The following NOTCH4 variants were observed in gnomAD, a reference collection of about 807,000 sequenced individuals.
NOTCH4 encodes the protein notch receptor 4.
A neutral mutation model predicts 189.0 loss-of-function variants in NOTCH4; 138 were observed. The ratio of observed to expected loss-of-function variants is 0.73; its 90% CI spans 0.64 to 0.84. The LOEUF (loss-of-function observed/expected upper bound fraction) is 0.84. NOTCH4 is among the 40% of genes least tolerant of loss of function. The pLI, the probability that NOTCH4 is intolerant of heterozygous loss-of-function variation, is 0.00. For synonymous variants in NOTCH4, 942 were observed against 1,032.8 expected, an observed-to-expected ratio of 0.91 and a Z score of 1.69; for missense variants, 2,286 against 2,605.4, an observed-to-expected ratio of 0.88 and a Z score of 2.67.
Position 32,212,375 on chromosome 6 carries a change from G to C in NOTCH4, c.2680+99C>G. On this transcript the variant is annotated intron_variant, in intron 17 of 29. Coordinates refer to ENST00000375023, the MANE Select transcript of NOTCH4 (RefSeq NM_004557.4). This position sits in a 1 kb window ranked among gnomAD's most constrained non-coding sequence, Gnocchi z 4.4. Reference sequence around the variant, plus strand: ...GTGTGGTTTTGATTCTCAGATGGTTGTTTTGGCCAAAAGCTGTGTGGAAGC... The same window carrying C: ...GTGTGGTTTTGATTCTCAGATGGTTCTTTTGGCCAAAAGCTGTGTGGAAGC... The C allele has an allele frequency of 8.2e-7, 1 of 1,225,190 alleles. No individual in the cohort carries two copies. Among genetic ancestry groups the C allele is most frequent in the Non-Finnish European group, 1.1e-6 (1 of 873,226 alleles). 75.9% of individuals were successfully genotyped at this position (1,225,190 alleles called of 1,614,324 possible). A position where few individuals can be genotyped will look rare whatever the true frequency, so the allele number is the denominator to read the frequency against.
rs3131286 is a variant in NOTCH4 at position 32,213,185 on chromosome 6, G to A, written c.2388C>T (p.Gly796=). Residue 796 remains glycine (G), a synonymous_variant, in exon 15 of 30, where the codon GGC becomes GGT. Coordinates refer to ENST00000375023, the MANE Select transcript of NOTCH4 (RefSeq NM_004557.4). ...PGTFSCLCAM[G]FQGPRCEGKL... ...TTCCCTCACAGCGCGGGCCCTGGAA[G>A]CCCATGGCACAGAGGCAGGAGAAGG... 6.2e-7 allele frequency: 1 copy of A among 1,614,018 alleles called. No homozygotes were observed. The highest frequency in any genetic ancestry group is 1.3e-5 in the African/African-American group (1 of 75,018).
chr6:32,223,063 C>A lies in NOTCH4; in HGVS notation c.97G>T (p.Glu33Ter), dbSNP rs768326723. Residue 33 changes from glutamate to a stop codon, truncating the protein, a stop_gained, in exon 2 of 30, where the codon GAA becomes TAA. Coordinates refer to ENST00000375023, the MANE Select transcript of NOTCH4 (RefSeq NM_004557.4). LOFTEE classifies it high-confidence loss of function. ...PRGLLCGSFP[E>*]PCANGGTCLS... The stretch of plus-strand genomic sequence containing the variant: ...CAGGTGCCTCCATTGGCACAGGGTT[C>A]TGGGAAACTCCCACACAGCAGCCCT... 3 of 1,613,992 alleles carry A rather than the reference C, an allele frequency of 1.9e-6. No homozygotes were observed. The highest frequency in any genetic ancestry group is 4.5e-5 in the East Asian group (2 of 44,862).
In NOTCH4 at chr6:32,195,294, C is replaced by G. The variant is rs1787789073; in HGVS notation, c.*143G>C. ...CTTCTCCACGTGGAAGATGTCTGCT[C>G]TGGTGGGCATACATTCATTTTAGGA... On this transcript the variant is annotated 3_prime_UTR_variant, in exon 30 of 30. Coordinates refer to ENST00000375023, the MANE Select transcript of NOTCH4 (RefSeq NM_004557.4). The surrounding 1 kb of genome is among the most constrained non-coding windows in gnomAD (Gnocchi z 5.4). The G allele has an allele frequency of 1.3e-6, 1 of 754,758 alleles. No individual in the cohort carries two copies. 46.8% of individuals were successfully genotyped at this position (754,758 alleles called of 1,614,324 possible).
intron 8 of NOTCH4, 50 bp from the exon 9 acceptor site, chr6:32,218,158 G>A (rs570706474): frequency 2.5e-4 from 301 of 1,224,126 alleles, no homozygotes; most frequent in Non-Finnish European, 3.4e-4. Flanking sequence ...GTCTGCCTGG[G>A]AGACCTGTGT....
At position 32,213,712 on chromosome 6, in the gene NOTCH4, T is replaced by C; in HGVS notation, c.2296A>G (p.Thr766Ala). 1 of 1,612,912 alleles carries C rather than the reference T, an allele frequency of 6.2e-7. No homozygotes were observed. The highest frequency in any genetic ancestry group is 1.1e-5 in the South Asian group (1 of 91,072). ...PPSHTGPQCQ[T>A]STDYCVSAPC... is the part of the protein sequence containing the mutation. The stretch of plus-strand genomic sequence containing the variant: ...CCAGACACACAGTAGTCAGTGCTGG[T>C]TTGGCACTGGGGCCCTGTGTGGCTT... The change falls in exon 14 of 30, where the codon ACC becomes GCC. Residue 766 changes from threonine (T) to alanine (A), a missense_variant. Coordinates refer to ENST00000375023, the MANE Select transcript of NOTCH4 (RefSeq NM_004557.4).
Position 32,196,165 on chromosome 6 carries a change from C to G in NOTCH4, c.5299-15G>C. 4 of 1,588,500 alleles carry G rather than the reference C, an allele frequency of 2.5e-6. No homozygotes were observed. The highest frequency in any genetic ancestry group is 3.4e-6 in the Non-Finnish European group (4 of 1,172,242). On this transcript the variant is annotated splice_polypyrimidine_tract_variant and intron_variant, in intron 29 of 29. Transcript: ENST00000375023. Reference sequence around the variant, plus strand: ...GGCGTCTGCTCCTGTACAGAAGAGCCAGGGCCGATATCAGGGAAGGCCACG... The same window carrying G: ...GGCGTCTGCTCCTGTACAGAAGAGCGAGGGCCGATATCAGGGAAGGCCACG...
At position 32,198,738 on chromosome 6, in the gene NOTCH4, G is replaced by A. The variant is rs1229443983; in HGVS notation, c.4536-8C>T. 3 of 1,606,324 alleles carry A rather than the reference G, an allele frequency of 1.9e-6. No homozygotes were observed. The highest frequency in any genetic ancestry group is 8.5e-7 in the Non-Finnish European group (1 of 1,176,900). On this transcript the variant is annotated splice_polypyrimidine_tract_variant and splice_region_variant and intron_variant, in intron 24 of 29. Coordinates refer to ENST00000375023, the MANE Select transcript of NOTCH4 (RefSeq NM_004557.4). The surrounding 1 kb of genome is among the most constrained non-coding windows in gnomAD (Gnocchi z 5.5). ...GCCTTTGGCTTCAGTGCCCTGGAAA[G>A]GAATGGGTGGGTAGAGGTTACACGG...
Position 32,197,462 on chromosome 6 carries a change from G to T in NOTCH4, c.4889C>A (p.Thr1630Asn). ...CAGGGGGGTCTCCCCAGTGCCCACG[G>T]TGTGAGCCTGGGGACAGGCCCCTCC... ...LDGGACPQAH[T>N]VGTGETPLHL... Residue 1630 changes from threonine (T) to asparagine (N), a missense_variant, in exon 27 of 30, where the codon ACC becomes AAC. This residue lies in a region of NOTCH4 where 1,903 missense variants were observed against 2,261.9 expected (regional missense o/e 0.84). Coordinates refer to ENST00000375023, the MANE Select transcript of NOTCH4 (RefSeq NM_004557.4). 1 of 1,586,058 alleles carries T rather than the reference G, an allele frequency of 6.3e-7. No individual in the cohort carries two copies. Among genetic ancestry groups the T allele is most frequent in the Non-Finnish European group, 8.6e-7 (1 of 1,166,510 alleles).
rs1788308646 is a variant in NOTCH4, at chr6:32,201,018, G to T, written c.4140-12C>A. 2.6e-6 allele frequency: 4 copies of T among 1,554,918 alleles called. No homozygotes were observed. In the South Asian group the frequency reaches 3.7e-5, roughly 14 times the overall value. The stretch of plus-strand genomic sequence containing the variant: ...TGACCACCACAAACCTGTAGAGGAG[G>T]CACCTCAGAGACCTCTGTATTGGTC... On this transcript the variant is annotated splice_polypyrimidine_tract_variant and intron_variant, in intron 22 of 29. Coordinates refer to ENST00000375023, the MANE Select transcript of NOTCH4 (RefSeq NM_004557.4). This position sits in a 1 kb window ranked among gnomAD's most constrained non-coding sequence, Gnocchi z 5.5.
At chr6:32,223,131 C>T in intron 1 of NOTCH4, 45 bp from the exon 2 acceptor site, 1 of 1,461,208 alleles carries the variant, frequency 6.8e-7, no homozygotes, top group Non-Finnish European at 9.6e-7. Context: ...GGGTGCTGTG[C>T]CTCCACCTTT....
intron 18 of NOTCH4, among the ~76,000 whole-genome samples, chr6:32,204,871 C>G (rs903988490): frequency 6.6e-6 from 1 of 152,064 alleles, no homozygotes; most frequent in South Asian, 2.1e-4. Context: ...CCTAAAAATC[C>G]CCCTAATGAC....
Position 32,215,339 on chromosome 6 carries a change from G to A in NOTCH4, c.1908C>T (p.Pro636=). 10 of 1,610,876 alleles carry A rather than the reference G, an allele frequency of 6.2e-6. No individual in the cohort carries two copies. The highest frequency in any genetic ancestry group is 8.5e-6 in the Non-Finnish European group (10 of 1,179,320). Reference sequence around the variant, plus strand: ...CTTTCTGGTCCTTACATATCTGCTTGGGCTGGCACAGGTTGGGAGCACACA... The same window carrying A: ...CTTTCTGGTCCTTACATATCTGCTTAGGCTGGCACAGGTTGGGAGCACACA... ...VPLCAPNLCQ[P]KQICKDQKDK... is the part of the protein sequence containing the mutation. Residue 636 remains proline, a synonymous_variant, in exon 12 of 30, where the codon CCC becomes CCT. Transcript: ENST00000375023.
intron 18 of NOTCH4, among the ~76,000 whole-genome samples, chr6:32,208,958 T>G (rs1788854791): frequency 6.6e-6 from 1 of 152,218 alleles, no homozygotes; most frequent in Non-Finnish European, 1.5e-5. Flanking sequence ...TCCCCATATT[T>G]ATTGCAGCAC....
Position 32,199,136 on chromosome 6 carries a change from G to T in NOTCH4, c.4325C>A (p.Ala1442Asp). Residue 1442 changes from alanine to aspartate, a missense_variant, in exon 24 of 30, where the codon GCC (alanine) becomes GAC (aspartate). Around this residue, in one of 2 missense-constraint regions of NOTCH4, gnomAD observed 1,903 missense variants for 2,261.9 expected, o/e 0.84. Coordinates refer to ENST00000375023, the MANE Select transcript of NOTCH4 (RefSeq NM_004557.4). This position sits in a 1 kb window ranked among gnomAD's most constrained non-coding sequence, Gnocchi z 4.9. Reference sequence around the variant, plus strand: ...CAGCACAGGCCAGGGAAGCTGGTTGGCAGGGGGTGCTGGTGGGAGAGACAG... The same window carrying T: ...CAGCACAGGCCAGGGAAGCTGGTTGTCAGGGGGTGCTGGTGGGAGAGACAG... ...VHPHAGTAPP[A>D]NQLPWPVLCS... The T allele has an allele frequency of 6.3e-7, 1 of 1,592,116 alleles. No individual in the cohort carries two copies. Among genetic ancestry groups the T allele is most frequent in the East Asian group, 2.3e-5 (1 of 44,030 alleles).
rs755335793 is a variant in NOTCH4, at chr6:32,222,694, G to T, written c.268C>A (p.Leu90Ile). Residue 90 changes from leucine to isoleucine, a missense_variant, in exon 3 of 30, where the codon CTC becomes ATC. Physicochemically the swap from Leu to Ile is conservative, Grantham distance 5. This residue lies in a region of NOTCH4 where 1,903 missense variants were observed against 2,261.9 expected (regional missense o/e 0.84). Transcript: ENST00000375023. ...GTCAATGGAGAGGGAGAGCTGGGGA[G>T]CCCTAGGGGAGCGGGAAGCAGGGCT... Reference protein sequence around the residue: ...CQALLPAPLGLPSSPSPLTPS... With the variant: ...CQALLPAPLGIPSSPSPLTPS... The T allele has an allele frequency of 1.2e-6, 2 of 1,606,368 alleles. No individual in the cohort carries two copies. The highest frequency in any genetic ancestry group is 8.5e-7 in the Non-Finnish European group (1 of 1,177,840).
chr6:32,215,098 T>A, intron 12 of NOTCH4, 128 bp downstream of exon 12: 1 of 876,164 alleles, frequency 1.1e-6, no homozygotes, highest in Non-Finnish European at 1.7e-6. Context: ...CCCTAAGAAC[T>A]TTGCCATCTC....
In NOTCH4 at chr6:32,201,259, G is replaced by A. The variant is rs745902446; in HGVS notation, c.3997C>T (p.Arg1333Cys). ...LRVGLWVRKD[R>C]DGRDMVYPYP... ...GGGTACACCATGTCCCTGCCATCAC[G>A]ATCCTTCCTTACCCAGAGTCCTACC... Residue 1333 changes from arginine (R) to cysteine (C), a missense_variant, in exon 22 of 30, where the codon CGT becomes TGT. Around this residue, in one of 2 missense-constraint regions of NOTCH4, gnomAD observed 1,903 missense variants for 2,261.9 expected, o/e 0.84. Coordinates refer to ENST00000375023, the MANE Select transcript of NOTCH4 (RefSeq NM_004557.4). The surrounding 1 kb of genome is among the most constrained non-coding windows in gnomAD (Gnocchi z 5.5). The A allele has an allele frequency of 5.0e-6, 8 of 1,612,882 alleles. No individual in the cohort carries two copies. Among genetic ancestry groups the A allele is most frequent in the African/African-American group, 1.3e-5 (1 of 74,902 alleles).
In NOTCH4 at chr6:32,210,790, C is replaced by A. The variant is rs370587439; in HGVS notation, c.2827G>T (p.Ala943Ser). 1.2e-6 allele frequency: 2 copies of A among 1,612,986 alleles called. No homozygotes were observed. Among genetic ancestry groups the A allele is most frequent in the Non-Finnish European group, 1.7e-6 (2 of 1,180,028 alleles). The change falls in exon 18 of 30, where the codon GCC (alanine) becomes TCC (serine). Residue 943 changes from alanine to serine, a missense_variant. Physicochemically the swap from Ala to Ser is moderately conservative, Grantham distance 99. Around this residue, in one of 2 missense-constraint regions of NOTCH4, gnomAD observed 1,903 missense variants for 2,261.9 expected, o/e 0.84. Coordinates refer to ENST00000375023, the MANE Select transcript of NOTCH4 (RefSeq NM_004557.4). This position sits in a 1 kb window ranked among gnomAD's most constrained non-coding sequence, Gnocchi z 4.8. ...PCESRPCQNG[A>S]TCMAQPSGYL... ...CCACTGGGCTGGGCCATGCAGGTGG[C>A]CCCGTTCTGGCAAGGCCTGGACTCA...
Position 32,215,112 on chromosome 6 carries a change from C to T in NOTCH4, c.2021+114G>A. 6.9e-6 allele frequency: 7 copies of T among 1,014,964 alleles called. No homozygotes were observed. In the South Asian group the frequency reaches 1.2e-4, roughly 18 times the overall value. The allele number at this position is 1,014,964 out of a possible 1,614,324, so 62.9% of individuals were successfully genotyped here. On this transcript the variant is annotated intron_variant, in intron 12 of 29. Transcript: ENST00000375023. Reference sequence around the variant, plus strand: ...GCCCTAAGAACTTTGCCATCTCCTTCCTTTTCCCCATTGGTCATTTCTCAC... The same window carrying T: ...GCCCTAAGAACTTTGCCATCTCCTTTCTTTTCCCCATTGGTCATTTCTCAC...
Sources: gnomAD v4.1 joint callset for allele counts (sites outside exome capture counted in the v4.1 genomes callset) on GRCh38, gnomAD v4.1.1 for gene constraint, gnomAD v4.1.1 regional missense constraint, Gnocchi (gnomAD v3.1) non-coding constraint, MANE v1.5 for transcripts, NCBI Gene and HGNC (gene_info 2026-07-23, HGNC 2026-07-21) for gene names.